CHSY3: variants seen among roughly 807,000 people sequenced by gnomAD.
The protein encoded by CHSY3 is N-acetylgalactosaminyl-proteoglycan 3-beta-glucuronosyltransferase 3.
A neutral mutation model predicts 67.2 loss-of-function variants in CHSY3; 35 were observed. The ratio of observed to expected loss-of-function variants is 0.52; its 90% CI spans 0.40 to 0.69. The LOEUF (loss-of-function observed/expected upper bound fraction) is 0.69, where lower values mean the gene tolerates loss of function less well. Ranked by LOEUF, CHSY3 falls within the 30% of genes least tolerant of loss-of-function variation. CHSY3 has a pLI of 0.00. For synonymous variants in CHSY3, 474 were observed against 434.7 expected, an observed-to-expected ratio of 1.09 and a Z score of -1.12; for missense variants, 1,069 against 1,138.5, an observed-to-expected ratio of 0.94 and a Z score of 0.88.
chr5:130,131,188 G>A (rs554910734), intron 2 of CHSY3, among the ~76,000 whole-genome samples: 4 of 152,230 alleles, frequency 2.6e-5, no homozygotes, highest in Admixed American at 2.6e-4. Flanking sequence ...GGAAATCATT[G>A]AATGAGTCAA....
chr5:130,084,325 C>T (rs1250744262), intron 2 of CHSY3, among the ~76,000 whole-genome samples: 2 of 151,888 alleles, frequency 1.3e-5, no homozygotes, highest in Non-Finnish European at 2.9e-5. Flanking sequence ...AATTTTCTCA[C>T]CACAAAGAAA....
At chr5:130,119,492 C>T (rs1028236396) in intron 2 of CHSY3, among the ~76,000 whole-genome samples, 2 of 152,070 alleles carry the variant, frequency 1.3e-5, no homozygotes, top group Non-Finnish European at 2.9e-5. Flanking sequence ...GGCCTCAGGT[C>T]GCAGGGAGGA....
chr5:129,974,503 T>C (rs1762739693), intron 2 of CHSY3, among the ~76,000 whole-genome samples: 1 of 152,036 alleles, frequency 6.6e-6, no homozygotes, highest in Non-Finnish European at 1.5e-5. Flanking sequence ...GAATTCTTTG[T>C]CTCCGCTGAA....
chr5:130,060,581 G>A (rs942140387), intron 2 of CHSY3, among the ~76,000 whole-genome samples: 2 of 152,060 alleles, frequency 1.3e-5, no homozygotes, highest in African/African-American at 4.8e-5. Flanking sequence ...GGCAAGAGAA[G>A]GAAATAAAAG....
intron 2 of CHSY3, among the ~76,000 whole-genome samples, chr5:130,016,482 G>A (rs1764222699): frequency 6.6e-6 from 1 of 152,220 alleles, no homozygotes; most frequent in African/African-American, 2.4e-5. Context: ...CACGATCTCA[G>A]CTCAGTGCAA....
In CHSY3 at chr5:130,083,082, C is replaced by CT. The variant is rs1427009402; in HGVS notation, c.1087-101145dup. Among the ~76,000 whole-genome samples, 10 of 152,074 alleles carry CT rather than the reference C, an allele frequency of 6.6e-5. No homozygotes were observed. In the East Asian group the frequency reaches 1.7e-3, roughly 27 times the overall value. On this transcript the variant is annotated intron_variant, in intron 2 of 2. Transcript: ENST00000305031. ...GAACAGAGGTAACAGAAATGAGGCG[C>CT]TTCAATCATTTCCAATGTTGTAATT...
At chr5:130,001,516 G>T (rs1055363378) in intron 2 of CHSY3, 3 of 960,514 alleles carry the variant, frequency 3.1e-6, no homozygotes, top group Non-Finnish European at 3.7e-6. Context: ...GAAGGGCCTG[G>T]GATGAGAACC....
At chr5:130,099,340 G>T (rs1269166114) in intron 2 of CHSY3, among the ~76,000 whole-genome samples, 1 of 152,190 alleles carries the variant, frequency 6.6e-6, no homozygotes. Context: ...TTGATATGCT[G>T]GTAGCAATAT....
At chr5:130,055,793 T>G (rs1032575493) in intron 2 of CHSY3, among the ~76,000 whole-genome samples, 1 of 151,992 alleles carries the variant, frequency 6.6e-6, no homozygotes, top group African/African-American at 2.4e-5. Flanking sequence ...GTCCCGGACA[T>G]TTTAACAAGA....
At chr5:129,942,573 A>T (rs1257300501) in intron 2 of CHSY3, among the ~76,000 whole-genome samples, 1 of 152,158 alleles carries the variant, frequency 6.6e-6, no homozygotes, top group Admixed American at 6.5e-5. Context: ...ACCCTGCCTA[A>T]CATGATCTAT....
At chr5:130,097,951 C>T (rs1259330837) in intron 2 of CHSY3, among the ~76,000 whole-genome samples, 2 of 152,072 alleles carry the variant, frequency 1.3e-5, no homozygotes, top group Non-Finnish European at 2.9e-5. Context: ...TTGCAGTGAG[C>T]CGAGATCGCG....
intron 2 of CHSY3, among the ~76,000 whole-genome samples, chr5:129,999,004 A>C (rs1763635921): frequency 6.6e-6 from 1 of 152,012 alleles, no homozygotes; most frequent in Admixed American, 6.6e-5. Context: ...CTCCAAGATT[A>C]GGTTAAATAT....
intron 2 of CHSY3, among the ~76,000 whole-genome samples, chr5:130,084,489 C>T: frequency 6.6e-6 from 1 of 151,766 alleles, no homozygotes; most frequent in East Asian, 2.0e-4. Context: ...TGTGACACAG[C>T]CCCAGAAGAC....
intron 2 of CHSY3, among the ~76,000 whole-genome samples, chr5:130,123,849 A>T (rs1038708649): frequency 6.6e-6 from 1 of 152,054 alleles, no homozygotes; most frequent in Non-Finnish European, 1.5e-5. Context: ...CGAGGTCAGG[A>T]GATCAAGACC....
At chr5:130,109,970 A>C (rs1767538994) in intron 2 of CHSY3, among the ~76,000 whole-genome samples, 1 of 151,884 alleles carries the variant, frequency 6.6e-6, no homozygotes, top group African/African-American at 2.4e-5. Context: ...GGAGAGGTTC[A>C]AAATTACTAG....
chr5:130,065,875 G>T (rs1561520684), intron 2 of CHSY3, among the ~76,000 whole-genome samples: 1 of 152,028 alleles, frequency 6.6e-6, no homozygotes, highest in African/African-American at 2.4e-5. Context: ...CTGTCGTATT[G>T]GTTCAGGGCC....
At chr5:129,934,967 GA>G (rs1761439694) in intron 2 of CHSY3, among the ~76,000 whole-genome samples, 1 of 152,130 alleles carries the variant, frequency 6.6e-6, no homozygotes, top group East Asian at 1.9e-4. Context: ...CACATTAAAT[GA>G]ATCAAAACGA....
In CHSY3 at chr5:130,122,649, A is replaced by G. The variant is rs1768080003; in HGVS notation, c.1087-61580A>G. On this transcript the variant is annotated intron_variant, in intron 2 of 2. Coordinates refer to ENST00000305031, the MANE Select transcript of CHSY3 (RefSeq NM_175856.5). The stretch of plus-strand genomic sequence containing the variant: ...GGTTTTGTGCTGTTAGGATAAGGGT[A>G]GTGTTGCTTATGGCATTTCCAAAAT... Among the ~76,000 whole-genome samples, 5 of 152,322 alleles carry G rather than the reference A, an allele frequency of 3.3e-5. No individual in the cohort carries two copies. In the South Asian group the frequency reaches 1.0e-3, roughly 32 times the overall value.
intron 2 of CHSY3, among the ~76,000 whole-genome samples, chr5:129,969,002 G>A (rs916852475): frequency 6.6e-6 from 1 of 151,728 alleles, no homozygotes; most frequent in Non-Finnish European, 1.5e-5. Flanking sequence ...TAGCTAGAAT[G>A]GTTAATTTAT....
Sources: allele counts gnomAD v4.1 joint callset (sites outside exome capture counted in the v4.1 genomes callset), GRCh38; gene constraint gnomAD v4.1.1; transcripts MANE v1.5; gene names NCBI Gene and HGNC (gene_info 2026-07-23, HGNC 2026-07-21).